The following VSTM4 variants were observed in gnomAD, a reference collection of about 807,000 sequenced individuals.
The protein encoded by VSTM4 is V-set and transmembrane domain-containing protein 4.
A neutral mutation model predicts 36.4 loss-of-function variants in VSTM4; 20 were observed. The ratio of observed to expected loss-of-function variants is 0.55; its 90% confidence interval spans 0.39 to 0.80. The LOEUF is 0.80. VSTM4 is among the 30% of genes least tolerant of loss of function. The pLI is 0.00. For synonymous variants in VSTM4, 182 were observed against 173.9 expected, an observed-to-expected ratio of 1.05 and a Z score of -0.37; for missense variants, 392 against 404.5, an observed-to-expected ratio of 0.97 and a Z score of 0.26.
chr10:49,024,821 T>C (rs1352862990), intron 7 of VSTM4, among the ~76,000 whole-genome samples: 2 of 152,174 alleles, frequency 1.3e-5, no homozygotes, highest in Non-Finnish European at 2.9e-5. Context: ...CCTGGGTATC[T>C]TTTGACAGGT....
At chr10:49,076,128 C>T (rs1160187331) in intron 4 of VSTM4, among the ~76,000 whole-genome samples, 2 of 152,192 alleles carry the variant, frequency 1.3e-5, no homozygotes, top group East Asian at 1.9e-4. Context: ...TGCCCACACC[C>T]CTGCATTAAT....
rs1218593460 is a variant in VSTM4 at position 49,077,314 on chromosome 10, T to C, written c.539A>G (p.Tyr180Cys). The C allele has an allele frequency of 3.1e-6, 5 of 1,614,044 alleles. No individual in the cohort carries two copies. In the South Asian group the frequency reaches 3.3e-5, roughly 11 times the overall value. Reference protein sequence around the residue: ...TWAFFEDLYVYAVLVCCVGIL... With the variant: ...TWAFFEDLYVCAVLVCCVGIL... ...CCCCACGCAGCACACGAGGACAGCA[T>C]ACACATAGAGATCTGAAAGGCAAGG... Residue 180 changes from tyrosine to cysteine, a missense_variant, in exon 4 of 8, where the codon TAT becomes TGT. Physicochemically the swap from Tyr to Cys is radical, Grantham distance 194. Coordinates refer to ENST00000332853, the MANE Select transcript of VSTM4 (RefSeq NM_001031746.5).
At chr10:49,078,864 C>A (rs1202578417) in intron 3 of VSTM4, among the ~76,000 whole-genome samples, 1 of 152,178 alleles carries the variant, frequency 6.6e-6, no homozygotes, top group Non-Finnish European at 1.5e-5. Context: ...TTCTTTCTTG[C>A]CCTGTGGCCC....
chr10:49,029,809 C>T (rs984160539), intron 7 of VSTM4, among the ~76,000 whole-genome samples: 1 of 152,240 alleles, frequency 6.6e-6, no homozygotes, highest in Non-Finnish European at 1.5e-5. Context: ...GCCCCATCCT[C>T]ATCAGAGGCA....
At chr10:49,045,025 G>C (rs1564571763) in intron 7 of VSTM4, among the ~76,000 whole-genome samples, 1 of 152,012 alleles carries the variant, frequency 6.6e-6, no homozygotes, top group Non-Finnish European at 1.5e-5. Flanking sequence ...GTTATGTTTG[G>C]GGCTCTTTAT....
At chr10:49,102,857 A>G (rs971829497) in intron 2 of VSTM4, 3 of 628,230 alleles carry the variant, frequency 4.8e-6, no homozygotes, top group Non-Finnish European at 6.0e-6. Context: ...CTCAAAAAGT[A>G]TATGATTGTG....
chr10:49,095,195 C>T (rs1844547562), intron 2 of VSTM4, among the ~76,000 whole-genome samples: 1 of 152,162 alleles, frequency 6.6e-6, no homozygotes, highest in Non-Finnish European at 1.5e-5. Flanking sequence ...CTAGGAAATA[C>T]TGAAACCTAG....
At chr10:49,052,836 C>T (rs867761751) in intron 5 of VSTM4, among the ~76,000 whole-genome samples, 8 of 152,124 alleles carry the variant, frequency 5.3e-5, no homozygotes, top group African/African-American at 1.9e-4. Context: ...GTGGAGAACA[C>T]CTGCTTTGTC....
At chr10:49,071,267 G>A (rs1016260218) in intron 4 of VSTM4, among the ~76,000 whole-genome samples, 1 of 152,222 alleles carries the variant, frequency 6.6e-6, no homozygotes, top group Non-Finnish European at 1.5e-5. Flanking sequence ...AGGTTGGATT[G>A]TTGGAGCCAC....
chr10:49,057,353 C>T (rs1366992388), intron 5 of VSTM4, among the ~76,000 whole-genome samples: 1 of 152,194 alleles, frequency 6.6e-6, no homozygotes, highest in Non-Finnish European at 1.5e-5. Flanking sequence ...AGACATAAAT[C>T]CAGTAAAGAG....
intron 2 of VSTM4, among the ~76,000 whole-genome samples, chr10:49,101,727 C>A (rs1368998901): frequency 6.6e-6 from 1 of 152,146 alleles, no homozygotes; most frequent in Non-Finnish European, 1.5e-5. Context: ...GCCTTAGGCC[C>A]AGCAATTCCC....
At chr10:49,056,085 A>G (rs993928625) in intron 5 of VSTM4, among the ~76,000 whole-genome samples, 1 of 152,114 alleles carries the variant, frequency 6.6e-6, no homozygotes, top group Admixed American at 6.5e-5. Flanking sequence ...AATAAATGCT[A>G]CTCCTTTGTG....
At position 49,043,620 on chromosome 10, in the gene VSTM4, A is replaced by G. The variant is rs148759593; in HGVS notation, c.837+3363T>C. Among the ~76,000 whole-genome samples, 568 of 152,372 alleles carry G rather than the reference A, an allele frequency of 3.7e-3. 2 individuals carry two copies. The highest frequency in any genetic ancestry group is 0.013 in the African/African-American group (542 of 41,584). On this transcript the variant is annotated intron_variant, in intron 7 of 7. Coordinates refer to ENST00000332853, the MANE Select transcript of VSTM4 (RefSeq NM_001031746.5). The stretch of plus-strand genomic sequence containing the variant: ...AAGGGAAAGACACTGGACTCAAAAA[A>G]AAGGAATAAATAACAAAACAAAAAT...
chr10:49,058,589 AG>A (rs202114750), intron 5 of VSTM4, among the ~76,000 whole-genome samples: 3,221 of 152,302 alleles, frequency 0.021, 97 homozygotes, highest in South Asian at 0.12. Flanking sequence ...CCTGAAGGTC[AG>A]GGCCACCCCT....
intron 7 of VSTM4, among the ~76,000 whole-genome samples, chr10:49,029,213 T>C (rs1332698696): frequency 6.6e-6 from 1 of 152,226 alleles, no homozygotes; most frequent in Non-Finnish European, 1.5e-5. Flanking sequence ...GATATGAACT[T>C]GACTTAATCT....
intron 2 of VSTM4, among the ~76,000 whole-genome samples, chr10:49,093,044 G>C (rs545834785): frequency 5.2e-4 from 79 of 152,124 alleles, no homozygotes; most frequent in African/African-American, 1.8e-3. Flanking sequence ...AATAAAACTT[G>C]GAGAATAAGA....
intron 2 of VSTM4, among the ~76,000 whole-genome samples, chr10:49,092,138 G>A (rs1012616278): frequency 2.0e-5 from 3 of 152,284 alleles, no homozygotes; most frequent in Middle Eastern, 3.4e-3. Flanking sequence ...GCCTTCCTTA[G>A]TGCTCTAAAG....
chr10:49,054,695 GA>G (rs1480619803), intron 5 of VSTM4, among the ~76,000 whole-genome samples: 2 of 152,218 alleles, frequency 1.3e-5, no homozygotes, highest in Non-Finnish European at 2.9e-5. Context: ...TTATAACTAA[GA>G]AGCATGCACC....
Position 49,042,094 on chromosome 10 carries a change from TG to T in VSTM4, c.837+4888del, listed in dbSNP as rs375568881. Reference sequence around the variant, plus strand: ...TAAACACGCACACCCAGATGTGCAGTGCTGCACACAGTCTAGAGGACAGTGA... The same window carrying T: ...TAAACACGCACACCCAGATGTGCAGTCTGCACACAGTCTAGAGGACAGTGA... On this transcript the variant is annotated intron_variant, in intron 7 of 7. Coordinates refer to ENST00000332853, the MANE Select transcript of VSTM4 (RefSeq NM_001031746.5). Among the ~76,000 whole-genome samples the T allele has an allele frequency of 2.0e-5, 3 of 152,340 alleles. 1 individual carries two copies. Among genetic ancestry groups the T allele is most frequent in the African/African-American group, 7.2e-5 (3 of 41,576 alleles).
Sources: gnomAD v4.1 joint callset for allele counts (sites outside exome capture counted in the v4.1 genomes callset) on GRCh38, gnomAD v4.1.1 for gene constraint, MANE v1.5 for transcripts, NCBI Gene and HGNC (gene_info 2026-07-23, HGNC 2026-07-21) for gene names.